Variants in GAREM1 observed in about 807,000 individuals in gnomAD.
The protein encoded by GAREM1 is GRB2-associated and regulator of MAPK protein 1.
Under a neutral mutation model 71.3 loss-of-function variants are expected in GAREM1, and 26 were observed. The ratio of observed to expected loss-of-function variants is 0.36; its 90% confidence interval spans 0.27 to 0.51. The LOEUF is 0.51. Among genes scored for constraint, GAREM1 ranks in the 20% least tolerant of loss-of-function variants. The probability of loss-of-function intolerance (pLI) is 0.95; values close to 1 mark genes in which losing one functional copy is unlikely to be tolerated. For missense variants in GAREM1, 1,026 were observed against 1,103.1 expected, an observed-to-expected ratio of 0.93 and a Z score of 0.99; for synonymous variants, 440 against 433.2, an observed-to-expected ratio of 1.02 and a Z score of -0.20.
intron 2 of GAREM1, among the ~76,000 whole-genome samples, chr18:32,369,461 T>C (rs1232834013): frequency 3.3e-5 from 5 of 152,208 alleles, no homozygotes; most frequent in Admixed American, 6.5e-5. Flanking sequence ...ATGTTTTATC[T>C]ATATGTATGA....
At chr18:32,422,124 T>G (rs2048524608) in intron 1 of GAREM1, among the ~76,000 whole-genome samples, 2 of 152,166 alleles carry the variant, frequency 1.3e-5, no homozygotes, top group African/African-American at 2.4e-5. Context: ...TATCTCCTAA[T>G]GCTATCCCTC....
intron 1 of GAREM1, among the ~76,000 whole-genome samples, chr18:32,408,377 T>C (rs1244223253): frequency 6.6e-6 from 1 of 152,188 alleles, no homozygotes; most frequent in Non-Finnish European, 1.5e-5. Flanking sequence ...TTCTAAGTTA[T>C]TGATAAAACT....
At chr18:32,330,532 T>C (rs562208840) in intron 2 of GAREM1, among the ~76,000 whole-genome samples, 14 of 152,138 alleles carry the variant, frequency 9.2e-5, no homozygotes, top group African/African-American at 2.9e-4. Context: ...AAAAAAAGAA[T>C]AGATTTGGAA....
chr18:32,355,717 A>C (rs887102535), intron 2 of GAREM1, among the ~76,000 whole-genome samples: 3 of 152,220 alleles, frequency 2.0e-5, no homozygotes, highest in Non-Finnish European at 4.4e-5. Flanking sequence ...AGAAAGAACA[A>C]GAGTATGTTG....
At chr18:32,324,289 G>GA (rs1254424176) in intron 2 of GAREM1, among the ~76,000 whole-genome samples, 1 of 152,172 alleles carries the variant, frequency 6.6e-6, no homozygotes, top group African/African-American at 2.4e-5. Context: ...GGAGGGTGAA[G>GA]AAAACACTCA....
intron 3 of GAREM1, among the ~76,000 whole-genome samples, chr18:32,302,265 A>G (rs1239368065): frequency 6.6e-6 from 1 of 152,206 alleles, no homozygotes; most frequent in African/African-American, 2.4e-5. Context: ...CTCAGTTTTC[A>G]TATTTGCTAA....
intron 3 of GAREM1, among the ~76,000 whole-genome samples, chr18:32,301,192 A>C (rs966735146): frequency 1.3e-5 from 2 of 152,180 alleles, no homozygotes; most frequent in African/African-American, 4.8e-5. Context: ...CATTTTAGTC[A>C]TGTCGGTGTA....
intron 2 of GAREM1, among the ~76,000 whole-genome samples, chr18:32,350,162 G>C (rs1689031): frequency 0.13 from 20,085 of 152,128 alleles, 1,370 homozygotes; most frequent in African/African-American, 0.15. Context: ...TATTTGAAAA[G>C]TTGAAAACTG....
At chr18:32,445,457 A>G (rs537489266) in intron 1 of GAREM1, among the ~76,000 whole-genome samples, 4 of 152,198 alleles carry the variant, frequency 2.6e-5, no homozygotes, top group South Asian at 2.1e-4. Context: ...TGCTCTTCCA[A>G]TAGGGGTATA....
At chr18:32,296,497 C>T (rs1415127435) in intron 3 of GAREM1, among the ~76,000 whole-genome samples, 1 of 152,132 alleles carries the variant, frequency 6.6e-6, no homozygotes, top group Non-Finnish European at 1.5e-5. Context: ...AGCCAGGATA[C>T]CACACTGCCT....
chr18:32,412,102 A>T (rs1194229142), intron 1 of GAREM1: 1 of 753,284 alleles, frequency 1.3e-6, no homozygotes, highest in Non-Finnish European at 2.3e-6. Flanking sequence ...TCTTCTTTGT[A>T]GCAGCTAGGC....
rs891761291 is a variant in GAREM1, at chr18:32,264,378, G to A, written c.*3493C>T. 1 of 152,116 alleles carries A rather than the reference G, an allele frequency of 6.6e-6. No homozygotes were observed. The highest frequency in any genetic ancestry group is 6.5e-5 in the Admixed American group (1 of 15,268). The allele number at this position is 152,116 out of a possible 1,614,324, so 9.4% of individuals were successfully genotyped here. A position where few individuals can be genotyped will look rare whatever the true frequency, so the allele number is the denominator to read the frequency against. ...CAAAATGTTAATCTTATACTTGCTA[G>A]GCACGATGAGTAGTGACTTATACAA... On this transcript the variant is annotated 3_prime_UTR_variant, in exon 6 of 6. Coordinates refer to ENST00000269209, the MANE Select transcript of GAREM1 (RefSeq NM_001242409.2).
rs1010523645 is a variant in GAREM1, at chr18:32,470,123, T to C, written c.121+185A>G. 6.8e-6 allele frequency among the ~76,000 whole-genome samples: 1 copy of C among 146,400 alleles called. No individual in the cohort carries two copies. The highest frequency in any genetic ancestry group is 2.8e-5 in the African/African-American group (1 of 36,046). On this transcript the variant is annotated intron_variant, in intron 1 of 5. Transcript: ENST00000269209. This position sits in a 1 kb window ranked among gnomAD's most constrained non-coding sequence, Gnocchi z 4.4. ...TGCAAGGACTCTGATTTCCACCTCC[T>C]TGTCTGCTGCTGGGGGGAGTTGAGA...
Position 32,299,458 on chromosome 18 carries a change from G to A in GAREM1, c.393+10735C>T, listed in dbSNP as rs1263344033. Among the ~76,000 whole-genome samples the A allele has an allele frequency of 7.7e-5, 11 of 141,938 alleles. No individual in the cohort carries two copies. The East Asian group carries it at 2.3e-3, about 29-fold the overall frequency. The allele number at this position is 141,938 out of a possible 152,430, so 93.1% of individuals were successfully genotyped here. A position where few individuals can be genotyped will look rare whatever the true frequency, so the allele number is the denominator to read the frequency against. On this transcript the variant is annotated intron_variant, in intron 3 of 5. Transcript: ENST00000269209. ...GAACCCAGGAGGCGGAGCTTGCAGT[G>A]AGCCGAGATCGCGCCACTGTACTCC...
chr18:32,334,320 A>G (rs1463468205), intron 2 of GAREM1, among the ~76,000 whole-genome samples: 1 of 152,178 alleles, frequency 6.6e-6, no homozygotes, highest in Non-Finnish European at 1.5e-5. Flanking sequence ...GCTTTAAAAC[A>G]CACGACACCC....
At chr18:32,424,972 A>G (rs1199089800) in intron 1 of GAREM1, among the ~76,000 whole-genome samples, 1 of 152,176 alleles carries the variant, frequency 6.6e-6, no homozygotes, top group Non-Finnish European at 1.5e-5. Context: ...GAAAGATTAC[A>G]ACAGTAAGGC....
At chr18:32,347,362 A>G (rs1264956061) in intron 2 of GAREM1, among the ~76,000 whole-genome samples, 1 of 152,014 alleles carries the variant, frequency 6.6e-6, no homozygotes, top group East Asian at 1.9e-4. Context: ...TTATAAATAA[A>G]AACAAAAGAA....
chr18:32,432,705 A>C lies in GAREM1; in HGVS notation c.121+37603T>G, dbSNP rs183166238. On this transcript the variant is annotated intron_variant, in intron 1 of 5. Coordinates refer to ENST00000269209, the MANE Select transcript of GAREM1 (RefSeq NM_001242409.2). The stretch of plus-strand genomic sequence containing the variant: ...TTTCACAGTTTAGATAAAATAGACC[A>C]ATTTCTTGAAAATCACAAACTGCCA... Among the ~76,000 whole-genome samples, 108 of 152,272 alleles carry C rather than the reference A, an allele frequency of 7.1e-4. 1 individual carries two copies. In the East Asian group the frequency reaches 0.017, roughly 24 times the overall value.
intron 2 of GAREM1, among the ~76,000 whole-genome samples, chr18:32,343,580 C>A (rs1224948042): frequency 2.6e-5 from 4 of 152,260 alleles, no homozygotes; most frequent in South Asian, 2.1e-4. Context: ...GAATTACAGG[C>A]ATAAGCCACT....
Sources: allele counts gnomAD v4.1 joint callset (sites outside exome capture counted in the v4.1 genomes callset), GRCh38; gene constraint gnomAD v4.1.1; non-coding constraint Gnocchi (gnomAD v3.1); transcripts MANE v1.5; gene names NCBI Gene and HGNC (gene_info 2026-07-23, HGNC 2026-07-21).